Variants in RORA observed in about 807,000 individuals in gnomAD.
RORA encodes RAR related orphan receptor A, also known as nuclear receptor ROR-alpha.
A neutral mutation model predicts 69.5 loss-of-function variants in RORA; 7 were observed. The ratio of observed to expected loss-of-function variants is 0.10; its 90% CI spans 0.06 to 0.19. The LOEUF (loss-of-function observed/expected upper bound fraction) is 0.19. Among genes scored for constraint, RORA ranks in the 10% least tolerant of loss-of-function variants. RORA has a pLI of 1.00. For synonymous variants in RORA, 261 were observed against 240.8 expected (o/e 1.08, Z -0.78); for missense variants, 457 against 663.0 (o/e 0.69, Z 3.41).
intron 1 of RORA, among the ~76,000 whole-genome samples, chr15:60,807,182 G>A (rs2072671373): frequency 6.6e-6 from 1 of 152,152 alleles, no homozygotes; most frequent in South Asian, 2.1e-4. Context: ...CATCCAAAAA[G>A]CTTCTAGGTC....
intron 1 of RORA, among the ~76,000 whole-genome samples, chr15:60,918,399 T>C (rs923439569): frequency 6.6e-5 from 10 of 152,242 alleles, no homozygotes; most frequent in African/African-American, 2.4e-4. Context: ...TAACTAACCA[T>C]GTCATTCATG....
chr15:60,742,112 T>C (rs1049145663), intron 1 of RORA, among the ~76,000 whole-genome samples: 1 of 152,172 alleles, frequency 6.6e-6, no homozygotes, highest in Non-Finnish European at 1.5e-5. Context: ...TCTATCTATA[T>C]GTATAGATAG....
At chr15:61,217,901 C>T (rs1217080021) in intron 1 of RORA, among the ~76,000 whole-genome samples, 1 of 152,006 alleles carries the variant, frequency 6.6e-6, no homozygotes, top group African/African-American at 2.4e-5. Flanking sequence ...ACATTATTTT[C>T]CCTCCCCCTC....
intron 2 of RORA, among the ~76,000 whole-genome samples, chr15:60,535,796 G>A (rs1184605965): frequency 6.6e-6 from 1 of 152,092 alleles, no homozygotes; most frequent in African/African-American, 2.4e-5. Flanking sequence ...ATATCTACAT[G>A]TATTTGTGCT....
intron 5 of RORA, among the ~76,000 whole-genome samples, chr15:60,510,747 C>A (rs575097296): frequency 6.9e-4 from 105 of 152,180 alleles, no homozygotes; most frequent in African/African-American, 2.5e-3. Flanking sequence ...CCACAAGAAG[C>A]TAAAAAAGCT....
At chr15:60,851,716 G>C (rs1354402668) in intron 1 of RORA, among the ~76,000 whole-genome samples, 5 of 151,814 alleles carry the variant, frequency 3.3e-5, no homozygotes, top group African/African-American at 1.2e-4. Context: ...ATGTGTGTGT[G>C]TGTGTGTGAG....
At chr15:60,746,867 T>A (rs1328623662) in intron 1 of RORA, among the ~76,000 whole-genome samples, 1 of 152,208 alleles carries the variant, frequency 6.6e-6, no homozygotes, top group African/African-American at 2.4e-5. Flanking sequence ...CCTGCCTTAG[T>A]TAAACCCGAG....
intron 1 of RORA, among the ~76,000 whole-genome samples, chr15:61,209,598 G>C (rs35439153): frequency 0.34 from 51,066 of 152,112 alleles, 9,424 homozygotes; most frequent in Non-Finnish European, 0.41. Flanking sequence ...TTAGAAGGTG[G>C]GGCCTCTAGA....
rs555582907 is a variant in RORA, at chr15:60,905,665, C to T, written c.167-226979G>A. ...CCCTCAAGAGCGTCTGTATCTGCCC[C>T]GGTTCTGTCAGGAAAATTAAACAGA... is the stretch of plus-strand genomic sequence containing the variant. On this transcript the variant is annotated intron_variant, in intron 1 of 10. Coordinates refer to ENST00000335670, the MANE Select transcript of RORA (RefSeq NM_134261.3). The surrounding 1 kb of genome is among the most constrained non-coding windows in gnomAD (Gnocchi z 4.8). Among the ~76,000 whole-genome samples, 13 of 152,282 alleles carry T rather than the reference C, an allele frequency of 8.5e-5. No individual in the cohort carries two copies. The highest frequency in any genetic ancestry group is 4.1e-4 in the South Asian group (2 of 4,826).
chr15:60,690,988 T>C (rs1487981969), intron 1 of RORA, among the ~76,000 whole-genome samples: 3 of 152,236 alleles, frequency 2.0e-5, no homozygotes, highest in Admixed American at 6.5e-5. Context: ...GGGTCCTACA[T>C]GATCCGGCCT....
chr15:61,146,486 A>C (rs1816627), intron 1 of RORA, among the ~76,000 whole-genome samples: 1 of 147,032 alleles, frequency 6.8e-6, no homozygotes, highest in Admixed American at 6.6e-5. Context: ...ACACACACGC[A>C]CACACAGCAA....
chr15:60,971,481 T>C (rs1376873567), intron 1 of RORA, among the ~76,000 whole-genome samples: 1 of 152,200 alleles, frequency 6.6e-6, no homozygotes, highest in African/African-American at 2.4e-5. Context: ...CATTTGGCCT[T>C]GGATCCAGAC....
At chr15:61,038,536 A>C (rs1432880946) in intron 1 of RORA, among the ~76,000 whole-genome samples, 1 of 152,250 alleles carries the variant, frequency 6.6e-6, no homozygotes, top group African/African-American at 2.4e-5. Context: ...TCATTATGTC[A>C]GTCAGTCACA....
chr15:61,185,500 C>T (rs912350667), intron 1 of RORA, among the ~76,000 whole-genome samples: 2 of 152,290 alleles, frequency 1.3e-5, no homozygotes, highest in Admixed American at 1.3e-4. Flanking sequence ...ATTGCCCCGA[C>T]ATTGGCAAAA....
chr15:60,861,526 T>C (rs2073435606), intron 1 of RORA, among the ~76,000 whole-genome samples: 1 of 152,130 alleles, frequency 6.6e-6, no homozygotes, highest in Admixed American at 6.5e-5. Flanking sequence ...ATAGATAGAT[T>C]GACTGATTGA....
At chr15:61,073,077 A>C (rs2078391779) in intron 1 of RORA, among the ~76,000 whole-genome samples, 1 of 152,222 alleles carries the variant, frequency 6.6e-6, no homozygotes, top group South Asian at 2.1e-4. Flanking sequence ...ATCTTTTCTT[A>C]ACTCTCTGTA....
chr15:60,621,167 C>G (rs570913391), intron 2 of RORA, among the ~76,000 whole-genome samples: 1 of 152,004 alleles, frequency 6.6e-6, no homozygotes, highest in South Asian at 2.1e-4. Flanking sequence ...ATAATTTCAC[C>G]CACTGTATTG....
Position 60,768,949 on chromosome 15 carries a change from T to C in RORA, c.167-90263A>G, listed in dbSNP as rs529835415. The stretch of plus-strand genomic sequence containing the variant: ...TTTCTCCTCCCTAACAAATCTTCAC[T>C]GAATGTGTACTGCATGTGTGGTTAT... On this transcript the variant is annotated intron_variant, in intron 1 of 10. Coordinates refer to ENST00000335670, the MANE Select transcript of RORA (RefSeq NM_134261.3). Among the ~76,000 whole-genome samples the C allele has an allele frequency of 3.9e-4, 60 of 152,220 alleles. 1 individual carries two copies. The highest frequency in any genetic ancestry group is 7.1e-4 in the Non-Finnish European group (48 of 68,036).
At chr15:61,175,434 C>T (rs922810946) in intron 1 of RORA, among the ~76,000 whole-genome samples, 12 of 150,684 alleles carry the variant, frequency 8.0e-5, no homozygotes, top group African/African-American at 2.2e-4. Context: ...GGGCCAGGCA[C>T]GGTGACTCAT....
Sources: gnomAD v4.1 joint callset for allele counts (sites outside exome capture counted in the v4.1 genomes callset) on GRCh38, gnomAD v4.1.1 for gene constraint, Gnocchi (gnomAD v3.1) non-coding constraint, MANE v1.5 for transcripts, NCBI Gene and HGNC (gene_info 2026-07-23, HGNC 2026-07-21) for gene names.